The following WDR33 variants were observed in gnomAD, a reference collection of about 807,000 sequenced individuals.
The protein encoded by WDR33 is pre-mRNA 3' end processing protein WDR33.
In WDR33, 47 loss-of-function variants were observed where a neutral mutation model predicts 164.9. The ratio of observed to expected loss-of-function variants is 0.29; its 90% CI spans 0.23 to 0.36. The LOEUF is 0.36. Among genes scored for constraint, WDR33 ranks in the 10% least tolerant of loss-of-function variants. The pLI is 1.00. For missense variants in WDR33, 1,137 were observed against 1,754.1 expected (o/e 0.65, Z 6.28); for synonymous variants, 505 against 589.0 (o/e 0.86, Z 2.06).
rs570658522 is a variant in WDR33, at chr2:127,753,561, GGCT to G, written c.724+9498_724+9500del. ...ATTGTAACTTGCCCCAGTGTCACAT[GGCT>G]GCTAAGAGCTGAAACTGTGACTAAC... On this transcript the variant is annotated intron_variant, in intron 7 of 21. Coordinates refer to ENST00000322313, the MANE Select transcript of WDR33 (RefSeq NM_018383.5). Among the ~76,000 whole-genome samples the G allele has an allele frequency of 1.2e-4, 18 of 152,304 alleles. No homozygotes were observed. The East Asian group carries it at 3.3e-3, about 28-fold the overall frequency.
At chr2:127,744,362 A>G (rs1311824038) in intron 7 of WDR33, among the ~76,000 whole-genome samples, 1 of 152,202 alleles carries the variant, frequency 6.6e-6, no homozygotes, top group Non-Finnish European at 1.5e-5. Flanking sequence ...CCTATCAGTG[A>G]GGAATAGTTA....
intron 7 of WDR33, chr2:127,736,177 A>C: frequency 1.0e-6 from 1 of 985,418 alleles, no homozygotes; most frequent in Non-Finnish European, 1.2e-6. Context: ...TCTCAAGAGT[A>C]CTTCCAAGTC....
In WDR33 at chr2:127,782,733, G is replaced by T. The variant is rs904919045; in HGVS notation, c.-23-11729C>A. The stretch of plus-strand genomic sequence containing the variant: ...AATTTAAAGTATACAGCAGGAGCCA[G>T]GAGCGGTGGCTCACGCCTGCAATCC... On this transcript the variant is annotated intron_variant, in intron 1 of 21. Coordinates refer to ENST00000322313, the MANE Select transcript of WDR33 (RefSeq NM_018383.5). Among the ~76,000 whole-genome samples, 8 of 152,330 alleles carry T rather than the reference G, an allele frequency of 5.3e-5. 1 individual carries two copies. The East Asian group carries it at 1.5e-3, about 29-fold the overall frequency.
intron 1 of WDR33, among the ~76,000 whole-genome samples, chr2:127,809,009 C>G (rs1176347683): frequency 8.0e-6 from 1 of 125,468 alleles, no homozygotes; most frequent in Non-Finnish European, 1.6e-5. Context: ...CCAGCCTGGG[C>G]GACAGAGCGA....
At chr2:127,747,692 C>T (rs910622405) in intron 7 of WDR33, among the ~76,000 whole-genome samples, 2 of 152,166 alleles carry the variant, frequency 1.3e-5, no homozygotes, top group South Asian at 2.1e-4. Context: ...AAATTCTCCC[C>T]AATTGCTCCG....
At chr2:127,729,495 CTTTT>C (rs774362916) in intron 7 of WDR33, among the ~76,000 whole-genome samples, 1 of 144,498 alleles carries the variant, frequency 6.9e-6, no homozygotes, top group Non-Finnish European at 1.5e-5. Context: ...AGAGACTATT[CTTTT>C]TTTTTTTTTT....
At chr2:127,781,702 A>G (rs1305741543) in intron 1 of WDR33, among the ~76,000 whole-genome samples, 2 of 152,202 alleles carry the variant, frequency 1.3e-5, no homozygotes, top group African/African-American at 4.8e-5. Context: ...TGGTTAAAAA[A>G]AAAATCCATG....
chr2:127,763,081 A>G lies in WDR33; in HGVS notation c.705T>C (p.His235=), dbSNP rs1254186992. ...ACGTACCTCGGAGAATTCTTTCCTC[A>G]TGGCAACGAAGAAAGTCCCAGATTC... ...TVRIWDFLRC[H]EERILRGHGA... is the part of the protein sequence containing the mutation. The change falls in exon 7 of 22, where the codon CAT becomes CAC. Residue 235 remains histidine (H), a synonymous_variant. Transcript: ENST00000322313. The surrounding 1 kb of genome is among the most constrained non-coding windows in gnomAD (Gnocchi z 4.5). 5 of 1,614,082 alleles carry G rather than the reference A, an allele frequency of 3.1e-6. No individual in the cohort carries two copies. Among genetic ancestry groups the G allele is most frequent in the African/African-American group, 1.3e-5 (1 of 75,062 alleles).
In WDR33 at chr2:127,713,429, T is replaced by C. The variant is rs578237913; in HGVS notation, c.3308+154A>G. ...AAGACTAAGGTTAAAAAGCACACTT[T>C]TTTTAAACGTCCAAATGCAAACTCT... On this transcript the variant is annotated intron_variant, in intron 18 of 21. Transcript: ENST00000322313. The surrounding 1 kb of genome is among the most constrained non-coding windows in gnomAD (Gnocchi z 6.2). Among the ~76,000 whole-genome samples, 24 of 152,360 alleles carry C rather than the reference T, an allele frequency of 1.6e-4. 2 individuals are homozygous for C. The highest frequency in any genetic ancestry group is 5.5e-4 in the African/African-American group (23 of 41,582).
chr2:127,714,100 T>C lies in WDR33; in HGVS notation c.2870-79A>G. ...AGGTCTGATCTGTAGCATCTCTACA[T>C]TTCAGAATACATTCTTTATTGAGAA... On this transcript the variant is annotated intron_variant, in intron 17 of 21. Transcript: ENST00000322313. The surrounding 1 kb of genome is among the most constrained non-coding windows in gnomAD (Gnocchi z 4.3). 1.5e-6 allele frequency: 2 copies of C among 1,349,386 alleles called. No homozygotes were observed. Among genetic ancestry groups the C allele is most frequent in the Non-Finnish European group, 1.9e-6 (2 of 1,026,012 alleles). The allele number at this position is 1,349,386 out of a possible 1,614,324, so 83.6% of individuals were successfully genotyped here.
At chr2:127,806,026 T>C (rs1037546891) in intron 1 of WDR33, among the ~76,000 whole-genome samples, 9 of 151,708 alleles carry the variant, frequency 5.9e-5, no homozygotes, top group African/African-American at 9.7e-5. Context: ...GGTGGGCAGA[T>C]TGCTTGAGCT....
chr2:127,708,644 C>G lies in WDR33; in HGVS notation c.3781+33G>C, dbSNP rs199907012. On this transcript the variant is annotated intron_variant, in intron 21 of 21. Coordinates refer to ENST00000322313, the MANE Select transcript of WDR33 (RefSeq NM_018383.5). This position sits in a 1 kb window ranked among gnomAD's most constrained non-coding sequence, Gnocchi z 6.7. ...GCAAGGCCTCCATCGGCCCCTGCAT[C>G]TCCTGGAACCATAACCACTGGCCTG... 3.9e-6 allele frequency: 6 copies of G among 1,541,178 alleles called. No homozygotes were observed. The African/African-American group carries it at 6.9e-5, about 18-fold the overall frequency.
Position 127,738,051 on chromosome 2 carries a change from G to GT in WDR33, c.725-11275dup. ...GTAACAACGGCAGTGATGAAAACAT[G>GT]TATCTATCAAAACAAGAAGGGTGCA... On this transcript the variant is annotated intron_variant, in intron 7 of 21. Coordinates refer to ENST00000322313, the MANE Select transcript of WDR33 (RefSeq NM_018383.5). This position sits in a 1 kb window ranked among gnomAD's most constrained non-coding sequence, Gnocchi z 4.4. The GT allele has an allele frequency of 1.2e-6, 2 of 1,612,660 alleles. No homozygotes were observed. The highest frequency in any genetic ancestry group is 1.7e-6 in the Non-Finnish European group (2 of 1,179,340).
intron 1 of WDR33, among the ~76,000 whole-genome samples, chr2:127,788,747 G>T (rs1324261511): frequency 6.8e-6 from 1 of 147,560 alleles, no homozygotes; most frequent in Non-Finnish European, 1.5e-5. Flanking sequence ...CGGTCGGGGG[G>T]GCTGACCCCC....
At position 127,717,370 on chromosome 2, in the gene WDR33, C is replaced by G; in HGVS notation, c.2761-107G>C. On this transcript the variant is annotated intron_variant, in intron 16 of 21. Transcript: ENST00000322313. This position sits in a 1 kb window ranked among gnomAD's most constrained non-coding sequence, Gnocchi z 5.6. ...ATAAAAATACCCAGTAAATATTTAC[C>G]TAGTAAGATTACAGTAACATTGTCC... is the stretch of plus-strand genomic sequence containing the variant. 2 of 881,724 alleles carry G rather than the reference C, an allele frequency of 2.3e-6. No homozygotes were observed. Among genetic ancestry groups the G allele is most frequent in the Non-Finnish European group, 1.6e-6 (1 of 611,744 alleles). The allele number at this position is 881,724 out of a possible 1,614,324, so 54.6% of individuals were successfully genotyped here. A position where few individuals can be genotyped will look rare whatever the true frequency, so the allele number is the denominator to read the frequency against.
chr2:127,790,528 A>G (rs1393696231), intron 1 of WDR33, among the ~76,000 whole-genome samples: 4 of 152,224 alleles, frequency 2.6e-5, no homozygotes, highest in African/African-American at 2.4e-5. Context: ...ATTTGGTAGA[A>G]GTGGCCAGCG....
chr2:127,716,308 C>T lies in WDR33; in HGVS notation c.2869+847G>A, dbSNP rs1686298855. Among the ~76,000 whole-genome samples the T allele has an allele frequency of 6.6e-6, 1 of 152,234 alleles. No individual in the cohort carries two copies. The highest frequency in any genetic ancestry group is 2.1e-4 in the South Asian group (1 of 4,832). ...GGCAAAAATCTTAACATGCACCACA[C>T]AGTGCTATGGGCTTAGCCAATTAAA... On this transcript the variant is annotated intron_variant, in intron 17 of 21. Transcript: ENST00000322313. The surrounding 1 kb of genome is among the most constrained non-coding windows in gnomAD (Gnocchi z 4.5).
At position 127,713,343 on chromosome 2, in the gene WDR33, G is replaced by A. The variant is rs1413458601; in HGVS notation, c.3308+240C>T. 1.3e-5 allele frequency among the ~76,000 whole-genome samples: 2 copies of A among 152,000 alleles called. No homozygotes were observed. The highest frequency in any genetic ancestry group is 2.9e-5 in the Non-Finnish European group (2 of 68,008). On this transcript the variant is annotated intron_variant, in intron 18 of 21. Transcript: ENST00000322313. This position sits in a 1 kb window ranked among gnomAD's most constrained non-coding sequence, Gnocchi z 6.2. ...ACTGATCCTCCCATCTCTTTAGAAA[G>A]GACCAAAATATAAAAAAATAAACAA...
Position 127,722,732 on chromosome 2 carries a change from T to C in WDR33, c.1379-2A>G, listed in dbSNP as rs1336394656. 6.2e-7 allele frequency: 1 copy of C among 1,613,320 alleles called. No individual in the cohort carries two copies. Among genetic ancestry groups the C allele is most frequent in the Admixed American group, 1.7e-5 (1 of 59,856 alleles). ...CAATTTCATTTGATTCATCTTTCCC[T>C]GTAACCGTAAAGAAAAGTGGTTTGC... On this transcript the variant is annotated splice_acceptor_variant, in intron 13 of 21. Transcript: ENST00000322313. LOFTEE classifies it high-confidence loss of function. This position sits in a 1 kb window ranked among gnomAD's most constrained non-coding sequence, Gnocchi z 5.1.
Sources: allele counts gnomAD v4.1 joint callset (sites outside exome capture counted in the v4.1 genomes callset), GRCh38; gene constraint gnomAD v4.1.1; non-coding constraint Gnocchi (gnomAD v3.1); transcripts MANE v1.5; gene names NCBI Gene and HGNC (gene_info 2026-07-23, HGNC 2026-07-21).